SLC35G1: variants seen among roughly 807,000 people sequenced by gnomAD.
SLC35G1 encodes the protein solute carrier family 35 member G1, also known as partner of STIM1.
SLC35G1 carries 10 observed loss-of-function variants against 17.1 expected under a neutral mutation model. That is an observed-to-expected ratio of 0.59 (90% CI 0.36 to 0.99). The LOEUF (loss-of-function observed/expected upper bound fraction) is 0.99, where lower values mean the gene tolerates loss of function less well. SLC35G1 is among the 50% of genes least tolerant of loss of function. The probability of loss-of-function intolerance (pLI) is 0.01; values close to 1 mark genes in which losing one functional copy is unlikely to be tolerated. For synonymous variants in SLC35G1, 185 were observed against 181.1 expected, an observed-to-expected ratio of 1.02 and a Z score of -0.18; for missense variants, 433 against 468.4, an observed-to-expected ratio of 0.92 and a Z score of 0.70.
chr10:93,894,253 G>T, intron 1 of SLC35G1, 42 bp downstream of exon 1: 1 of 1,300,374 alleles, frequency 7.7e-7, no homozygotes, highest in Non-Finnish European at 9.8e-7. Flanking sequence ...TCGCTCGGGG[G>T]TCCCGAGCGG....
Position 93,901,549 on chromosome 10 carries a change from G to T in SLC35G1, c.*59G>T. ...TACACCATCACCTAATTCACATACA[G>T]CATACGCACACATCTGGAAAATCTG... On this transcript the variant is annotated 3_prime_UTR_variant, in exon 3 of 3. Coordinates refer to ENST00000427197, the MANE Select transcript of SLC35G1 (RefSeq NM_001134658.3). 6.7e-7 allele frequency: 1 copy of T among 1,496,368 alleles called. No individual in the cohort carries two copies. The highest frequency in any genetic ancestry group is 8.9e-7 in the Non-Finnish European group (1 of 1,122,980). The allele number at this position is 1,496,368 out of a possible 1,614,324, so 92.7% of individuals were successfully genotyped here. A position where few individuals can be genotyped will look rare whatever the true frequency, so the allele number is the denominator to read the frequency against.
At position 93,894,028 on chromosome 10, in the gene SLC35G1, C is replaced by A. The variant is rs759637134; in HGVS notation, c.-6C>A. 26 of 1,415,638 alleles carry A rather than the reference C, an allele frequency of 1.8e-5. No homozygotes were observed. The highest frequency in any genetic ancestry group is 2.2e-5 in the Non-Finnish European group (24 of 1,092,050). 87.7% of individuals were successfully genotyped at this position (1,415,638 alleles called of 1,614,324 possible). A position where few individuals can be genotyped will look rare whatever the true frequency, so the allele number is the denominator to read the frequency against. ...CACCGGCCGCTGGTAGAGCGCGTGCCGCGAGATGCGGCCTCAGGACAGCAC... is the reference window on the plus strand; with the variant it reads ...CACCGGCCGCTGGTAGAGCGCGTGCAGCGAGATGCGGCCTCAGGACAGCAC... On this transcript the variant is annotated 5_prime_UTR_variant, in exon 1 of 3. Coordinates refer to ENST00000427197, the MANE Select transcript of SLC35G1 (RefSeq NM_001134658.3).
chr10:93,901,079 T>A lies in SLC35G1; in HGVS notation c.687T>A (p.Ile229=). 1 of 1,614,114 alleles carries A rather than the reference T, an allele frequency of 6.2e-7. No homozygotes were observed. Among genetic ancestry groups the A allele is most frequent in the Non-Finnish European group, 8.5e-7 (1 of 1,179,988 alleles). ...ACCTTAAGGGAACATTCGCAGCAAT[T>A]GGAAGTGCCGTATTTGCTGCATCGA... The part of the protein sequence containing the change: ...SGHLKGTFAA[I]GSAVFAASTL... The change falls in exon 3 of 3, where the codon ATT becomes ATA. Residue 229 remains isoleucine, a synonymous_variant. Coordinates refer to ENST00000427197, the MANE Select transcript of SLC35G1 (RefSeq NM_001134658.3).
chr10:93,901,500 G>A lies in SLC35G1; in HGVS notation c.*10G>A. 2 of 1,569,828 alleles carry A rather than the reference G, an allele frequency of 1.3e-6. No individual in the cohort carries two copies. Among genetic ancestry groups the A allele is most frequent in the Non-Finnish European group, 1.7e-6 (2 of 1,160,302 alleles). ...CCAAAGTTCCAAATGAAGCATCATT[G>A]CTGAAATACATATTTTTTTCAAGTA... is the stretch of plus-strand genomic sequence containing the variant. On this transcript the variant is annotated 3_prime_UTR_variant, in exon 3 of 3. Transcript: ENST00000427197.
chr10:93,897,419 A>G (rs1384710863), intron 1 of SLC35G1, among the ~76,000 whole-genome samples: 1 of 152,250 alleles, frequency 6.6e-6, no homozygotes, highest in Non-Finnish European at 1.5e-5. Context: ...GAATGATAAT[A>G]CGAGTTTTCC....
downstream of SLC35G1, among the ~76,000 whole-genome samples, chr10:93,905,314 A>G (rs1214123124): frequency 6.6e-6 from 1 of 152,130 alleles, no homozygotes; most frequent in Non-Finnish European, 1.5e-5. Flanking sequence ...AATAATGGGC[A>G]TTAGAATTTG....
At chr10:93,896,643 A>T (rs2060333403) in intron 1 of SLC35G1, among the ~76,000 whole-genome samples, 1 of 152,152 alleles carries the variant, frequency 6.6e-6, no homozygotes, top group Non-Finnish European at 1.5e-5. Flanking sequence ...GAGGCCTTCT[A>T]ATGTCTGTCC....
At chr10:93,900,636 A>C in intron 2 of SLC35G1, 116 bp from the exon 3 acceptor site, 21 of 775,824 alleles carry the variant, frequency 2.7e-5, no homozygotes, top group Non-Finnish European at 3.9e-5. Flanking sequence ...TAATTAATTT[A>C]CTATTCCCTC....
chr10:93,894,203 C>T lies in SLC35G1; in HGVS notation c.170C>T (p.Thr57Ile). ...LCLSSPCCSR[T>I]EPEAKKKAPC... ...CTTTCCTCGCCGTGTTGCTCCCGCA[C>T]CGAGCCGGGTGAGTGCGCGGTGTGG... is the stretch of plus-strand genomic sequence containing the variant. The change falls in exon 1 of 3, where the codon ACC (threonine) becomes ATC (isoleucine). Residue 57 changes from threonine to isoleucine, a missense_variant. Physicochemically the swap from Thr to Ile is moderately conservative, Grantham distance 89 (BLOSUM62 -1). Transcript: ENST00000427197. 2 of 1,401,826 alleles carry T rather than the reference C, an allele frequency of 1.4e-6. No individual in the cohort carries two copies. Among genetic ancestry groups the T allele is most frequent in the Non-Finnish European group, 1.9e-6 (2 of 1,080,876 alleles). 86.8% of individuals were successfully genotyped at this position (1,401,826 alleles called of 1,614,324 possible).
rs1043223165 is a variant in SLC35G1 at position 93,902,856 on chromosome 10, A to G, written c.*1366A>G. ...TTCATCAGACCAATACTTTGCAGTT[A>G]GAGAGAATTTAATATCTAGAAAAGC... On this transcript the variant is annotated 3_prime_UTR_variant, in exon 3 of 3. Coordinates refer to ENST00000427197, the MANE Select transcript of SLC35G1 (RefSeq NM_001134658.3). 20 of 152,666 alleles carry G rather than the reference A, an allele frequency of 1.3e-4. No individual in the cohort carries two copies. Among genetic ancestry groups the G allele is most frequent in the African/African-American group, 4.8e-4 (20 of 41,468 alleles). The allele number at this position is 152,666 out of a possible 1,614,324, so 9.5% of individuals were successfully genotyped here.
In SLC35G1 at chr10:93,898,617, A is replaced by G. The variant is rs1163775819; in HGVS notation, c.225A>G (p.Thr75=). 1 of 1,613,304 alleles carries G rather than the reference A, an allele frequency of 6.2e-7. No individual in the cohort carries two copies. The highest frequency in any genetic ancestry group is 8.5e-7 in the Non-Finnish European group (1 of 1,179,748). The change falls in exon 2 of 3, where the codon ACA becomes ACG. Residue 75 remains threonine (T), a synonymous_variant. Coordinates refer to ENST00000427197, the MANE Select transcript of SLC35G1 (RefSeq NM_001134658.3). ...APCPGLGLFY[T]LLSAFLFSVG... is the part of the protein sequence containing the mutation. ...GTCCTGGACTTGGCTTGTTTTACAC[A>G]TTATTGTCTGCCTTCCTTTTCTCAG...
chr10:93,904,243 C>G (rs2060415415), downstream of SLC35G1, among the ~76,000 whole-genome samples: 1 of 152,198 alleles, frequency 6.6e-6, no homozygotes, highest in Admixed American at 6.5e-5. Flanking sequence ...ACCTGAATTA[C>G]CACAACAGTT....
chr10:93,908,123 C>G (rs2060439146), downstream of SLC35G1: 1 of 152,164 alleles, frequency 6.6e-6, no homozygotes, highest in Non-Finnish European at 1.5e-5. Context: ...CTATATCCTC[C>G]AAGATCCTAG....
downstream of SLC35G1, among the ~76,000 whole-genome samples, chr10:93,904,309 A>G (rs1197366573): frequency 6.6e-6 from 1 of 152,162 alleles, no homozygotes; most frequent in Non-Finnish European, 1.5e-5. Flanking sequence ...TCTCAGTGCC[A>G]GCTTAATGTT....
chr10:93,899,311 A>G (rs2060360019), intron 2 of SLC35G1, among the ~76,000 whole-genome samples: 1 of 152,130 alleles, frequency 6.6e-6, no homozygotes, highest in South Asian at 2.1e-4. Flanking sequence ...GGGTCAAATA[A>G]GATTTATTAT....
chr10:93,899,726 C>A (rs916992175), intron 2 of SLC35G1, among the ~76,000 whole-genome samples: 7 of 152,144 alleles, frequency 4.6e-5, no homozygotes, highest in African/African-American at 1.7e-4. Flanking sequence ...TCAATGCGGA[C>A]AAGTCACACT....
rs1236095284 is a variant in SLC35G1 at position 93,894,062 on chromosome 10, C to G, written c.29C>G (p.Ala10Gly). 4 of 1,481,622 alleles carry G rather than the reference C, an allele frequency of 2.7e-6. No homozygotes were observed. Among genetic ancestry groups the G allele is most frequent in the Non-Finnish European group, 2.7e-6 (3 of 1,124,334 alleles). 91.8% of individuals were successfully genotyped at this position (1,481,622 alleles called of 1,614,324 possible). Residue 10 changes from alanine (A) to glycine (G), a missense_variant, in exon 1 of 3, where the codon GCG (alanine) becomes GGG (glycine). Coordinates refer to ENST00000427197, the MANE Select transcript of SLC35G1 (RefSeq NM_001134658.3). MRPQDSTGVAELQEPGLPLT... is the reference protein window; with the variant it reads MRPQDSTGVGELQEPGLPLT... ...CGGCCTCAGGACAGCACCGGGGTCG[C>G]GGAGCTCCAGGAGCCCGGGCTGCCG...
downstream of SLC35G1, chr10:93,906,192 T>C (rs2060427117): frequency 6.6e-6 from 1 of 152,258 alleles, no homozygotes; most frequent in Non-Finnish European, 1.5e-5. Flanking sequence ...TTCAAAGCAA[T>C]AGCATAATTC....
chr10:93,904,744 C>T (rs1406113393), downstream of SLC35G1, among the ~76,000 whole-genome samples: 1 of 152,186 alleles, frequency 6.6e-6, no homozygotes, highest in East Asian at 1.9e-4. Flanking sequence ...TCCTCACTTG[C>T]CCAGTCCCTC....
Sources: gnomAD v4.1 joint callset for allele counts (sites outside exome capture counted in the v4.1 genomes callset) on GRCh38, gnomAD v4.1.1 for gene constraint, MANE v1.5 for transcripts, NCBI Gene and HGNC (gene_info 2026-07-23, HGNC 2026-07-21) for gene names.